ETV6: variants seen among roughly 807,000 people sequenced by gnomAD.
The protein encoded by ETV6 is ETS variant transcription factor 6.
ETV6 carries 16 observed loss-of-function variants against 51.1 expected under a neutral mutation model. That is an observed-to-expected ratio of 0.31 (90% CI 0.21 to 0.48). The LOEUF is 0.48. Ranked by LOEUF, ETV6 falls within the 20% of genes least tolerant of loss-of-function variation. ETV6 has a pLI of 0.99. For missense variants in ETV6, 458 were observed against 594.8 expected (o/e 0.77, Z 2.39); for synonymous variants, 240 against 224.1 (o/e 1.07, Z -0.64).
chr12:11,659,293 A>G lies in ETV6; in HGVS notation c.33+9133A>G, dbSNP rs528068947. Among the ~76,000 whole-genome samples the G allele has an allele frequency of 2.6e-5, 4 of 152,322 alleles. No homozygotes were observed. The South Asian group carries it at 6.2e-4, about 24-fold the overall frequency. On this transcript the variant is annotated intron_variant, in intron 1 of 7. Transcript: ENST00000396373. The stretch of plus-strand genomic sequence containing the variant: ...AATTCGATCCTAAGTCATTCTTTGT[A>G]TGTACATGGCAGATGAGAAGATGAA...
chr12:11,833,214 A>T (rs1230288241), intron 2 of ETV6, among the ~76,000 whole-genome samples: 1 of 152,216 alleles, frequency 6.6e-6, no homozygotes, highest in Non-Finnish European at 1.5e-5. Flanking sequence ...TATGCCAGAT[A>T]TTGGCCTGTG....
At chr12:11,827,084 A>T (rs939278321) in intron 2 of ETV6, among the ~76,000 whole-genome samples, 6 of 150,294 alleles carry the variant, frequency 4.0e-5, no homozygotes, top group South Asian at 2.1e-4. Flanking sequence ...ACACACACAC[A>T]CACACACACA....
chr12:11,885,004 T>C (rs957990077), intron 6 of ETV6, among the ~76,000 whole-genome samples: 1 of 152,304 alleles, frequency 6.6e-6, no homozygotes. Context: ...GCCCATTTCT[T>C]TATAGAAAAT....
intron 1 of ETV6, among the ~76,000 whole-genome samples, chr12:11,749,979 G>T (rs1865991631): frequency 1.3e-5 from 2 of 152,238 alleles, no homozygotes; most frequent in Admixed American, 1.3e-4. Flanking sequence ...TCCTCCAGCT[G>T]AGTAGAAACC....
intron 3 of ETV6, chr12:11,840,739 T>C: frequency 3.1e-6 from 1 of 320,670 alleles, no homozygotes; most frequent in South Asian, 2.5e-5. Flanking sequence ...GTTTATATCT[T>C]CAAAATTGAG....
At chr12:11,756,196 G>A (rs1945004622) in intron 2 of ETV6, among the ~76,000 whole-genome samples, 2 of 152,146 alleles carry the variant, frequency 1.3e-5, no homozygotes, top group South Asian at 4.1e-4. Flanking sequence ...AAAAGGACTG[G>A]CAAAGAAGCC....
At chr12:11,888,542 A>C (rs573373808) in intron 7 of ETV6, among the ~76,000 whole-genome samples, 4 of 152,022 alleles carry the variant, frequency 2.6e-5, no homozygotes, top group African/African-American at 9.7e-5. Context: ...AGCTGGAATT[A>C]CAGGTGCCTG....
At chr12:11,776,876 GC>G (rs957430568) in intron 2 of ETV6, among the ~76,000 whole-genome samples, 1 of 152,172 alleles carries the variant, frequency 6.6e-6, no homozygotes, top group African/African-American at 2.4e-5. Context: ...AGCAGCAGAG[GC>G]CACCACCAGC....
intron 1 of ETV6, among the ~76,000 whole-genome samples, chr12:11,675,159 G>GT (rs1409489434): frequency 6.6e-6 from 1 of 152,266 alleles, no homozygotes; most frequent in African/African-American, 2.4e-5. Flanking sequence ...ACCAGGATGT[G>GT]TTTTTTTAGA....
chr12:11,853,681 T>G, intron 4 of ETV6, 120 bp downstream of exon 4: 1 of 1,144,878 alleles, frequency 8.7e-7, no homozygotes, highest in Non-Finnish European at 1.3e-6. Context: ...TAGACAATTA[T>G]TGAGTGCTTA....
chr12:11,803,768 A>G (rs1945786858), intron 2 of ETV6, among the ~76,000 whole-genome samples: 1 of 152,218 alleles, frequency 6.6e-6, no homozygotes, highest in Non-Finnish European at 1.5e-5. Context: ...GATTAACTGG[A>G]ATATGTTATA....
intron 4 of ETV6, among the ~76,000 whole-genome samples, chr12:11,855,794 G>A (rs1946625554): frequency 6.6e-6 from 1 of 152,034 alleles, no homozygotes; most frequent in African/African-American, 2.4e-5. Flanking sequence ...GCTAAATTTA[G>A]CAGCTGCCCT....
intron 1 of ETV6, among the ~76,000 whole-genome samples, chr12:11,699,277 A>G (rs1216250356): frequency 6.6e-6 from 1 of 152,230 alleles, no homozygotes; most frequent in Non-Finnish European, 1.5e-5. Context: ...TTTGCTGAAT[A>G]CACATCCAAG....
chr12:11,797,537 A>T (rs1945696806), intron 2 of ETV6, among the ~76,000 whole-genome samples: 1 of 152,250 alleles, frequency 6.6e-6, no homozygotes, highest in Non-Finnish European at 1.5e-5. Flanking sequence ...GGTAGGAACC[A>T]AGATAGGCAT....
intron 1 of ETV6, among the ~76,000 whole-genome samples, chr12:11,709,915 C>A (rs764947716): frequency 1.3e-5 from 2 of 152,112 alleles, no homozygotes; most frequent in Non-Finnish European, 2.9e-5. Context: ...AAATAAATAT[C>A]TGTGTGTGTG....
At chr12:11,868,438 C>CTTTTT (rs71057775) in intron 4 of ETV6, among the ~76,000 whole-genome samples, 3 of 127,948 alleles carry the variant, frequency 2.3e-5, no homozygotes, top group African/African-American at 8.8e-5. Flanking sequence ...CTTTTTTCTT[C>CTTTTT]TTTTTTTTTT....
intron 2 of ETV6, among the ~76,000 whole-genome samples, chr12:11,793,242 C>T (rs774784825): frequency 6.6e-6 from 1 of 152,174 alleles, no homozygotes; most frequent in Non-Finnish European, 1.5e-5. Flanking sequence ...TCATTTTATC[C>T]TCCCAAGAGC....
Position 11,895,064 on chromosome 12 carries a change from T to A in ETV6, c.*4018T>A, listed in dbSNP as rs1419378870. On this transcript the variant is annotated 3_prime_UTR_variant, in exon 8 of 8. Transcript: ENST00000396373. ...AACCCACAGAAGACTAACCTGATAC[T>A]CTTTTGACCCAACTGCATCAACACT... 1 of 233,364 alleles carries A rather than the reference T, an allele frequency of 4.3e-6. No individual in the cohort carries two copies. The highest frequency in any genetic ancestry group is 8.5e-6 in the Non-Finnish European group (1 of 118,010). The allele number at this position is 233,364 out of a possible 1,614,324, so 14.5% of individuals were successfully genotyped here. A position where few individuals can be genotyped will look rare whatever the true frequency, so the allele number is the denominator to read the frequency against.
At chr12:11,795,335 G>A (rs560680669) in intron 2 of ETV6, among the ~76,000 whole-genome samples, 3 of 152,322 alleles carry the variant, frequency 2.0e-5, no homozygotes, top group South Asian at 4.1e-4. Flanking sequence ...CCCCAGCACC[G>A]GGCCTTCCTC....
Sources: allele counts gnomAD v4.1 joint callset (sites outside exome capture counted in the v4.1 genomes callset), GRCh38; gene constraint gnomAD v4.1.1; transcripts MANE v1.5; gene names NCBI Gene and HGNC (gene_info 2026-07-23, HGNC 2026-07-21).